CHRM3: variants seen among roughly 807,000 people sequenced by gnomAD.
CHRM3 encodes the protein muscarinic acetylcholine receptor M3.
Under a neutral mutation model 41.8 loss-of-function variants are expected in CHRM3, and 11 were observed. That is an observed-to-expected ratio of 0.26 (90% CI 0.17 to 0.44). The LOEUF (loss-of-function observed/expected upper bound fraction) is 0.44. Among genes scored for constraint, CHRM3 ranks in the 20% least tolerant of loss-of-function variants. The probability of loss-of-function intolerance (pLI) is 1.00; values close to 1 mark genes in which losing one functional copy is unlikely to be tolerated. For missense variants in CHRM3, 571 were observed against 745.4 expected (o/e 0.77, Z 2.72); for synonymous variants, 297 against 301.4 (o/e 0.99, Z 0.15).
intron 1 of CHRM3, among the ~76,000 whole-genome samples, chr1:239,481,010 A>G (rs1558254928): frequency 6.6e-6 from 1 of 152,242 alleles, no homozygotes. Context: ...TTACATGAAC[A>G]GAAGACAGAA....
intron 4 of CHRM3, among the ~76,000 whole-genome samples, chr1:239,668,378 CG>C (rs1674036225): frequency 6.6e-6 from 1 of 151,988 alleles, no homozygotes; most frequent in Non-Finnish European, 1.5e-5. Context: ...TGTGAGCCAC[CG>C]TGTCTGGCCC....
chr1:239,874,012 T>C (rs1027963540), intron 6 of CHRM3, among the ~76,000 whole-genome samples: 2 of 151,842 alleles, frequency 1.3e-5, no homozygotes, highest in South Asian at 4.2e-4. Flanking sequence ...AAATTTTACA[T>C]ACATCATCCT....
rs961528150 is a variant in CHRM3 at position 239,911,811 on chromosome 1, G to A, written c.*2587G>A. 1.8e-5 allele frequency: 3 copies of A among 166,950 alleles called. No individual in the cohort carries two copies. The highest frequency in any genetic ancestry group is 7.2e-5 in the African/African-American group (3 of 41,542). 10.3% of individuals were successfully genotyped at this position (166,950 alleles called of 1,614,324 possible). A position where few individuals can be genotyped will look rare whatever the true frequency, so the allele number is the denominator to read the frequency against. On this transcript the variant is annotated 3_prime_UTR_variant, in exon 7 of 7. Transcript: ENST00000676153. ...TACTATCTACTGATTTTATAGAAAG[G>A]TATGTCCATTTCTTGGGTCACTTTC...
chr1:239,776,706 C>G (rs1413597998), intron 5 of CHRM3, among the ~76,000 whole-genome samples: 1 of 152,146 alleles, frequency 6.6e-6, no homozygotes, highest in African/African-American at 2.4e-5. Flanking sequence ...AAAGACATAC[C>G]TGAGACTGGG....
At chr1:239,724,183 G>A (rs572429581) in intron 5 of CHRM3, among the ~76,000 whole-genome samples, 293 of 151,802 alleles carry the variant, frequency 1.9e-3, no homozygotes, top group African/African-American at 6.8e-3. Context: ...GGGCATGGAC[G>A]CATCCTGGCC....
intron 3 of CHRM3, among the ~76,000 whole-genome samples, chr1:239,623,632 A>G (rs1006379337): frequency 2.9e-5 from 2 of 69,544 alleles, no homozygotes; most frequent in African/African-American, 5.9e-5. Flanking sequence ...ATATCTCCCA[A>G]TGCTATCCCT....
At chr1:239,552,518 T>C (rs1448029809) in intron 3 of CHRM3, among the ~76,000 whole-genome samples, 4 of 147,310 alleles carry the variant, frequency 2.7e-5, no homozygotes, top group East Asian at 1.9e-4. Context: ...TATATATATA[T>C]ATATAAACGA....
intron 5 of CHRM3, among the ~76,000 whole-genome samples, chr1:239,786,046 T>C (rs1436292666): frequency 1.3e-5 from 2 of 152,108 alleles, no homozygotes; most frequent in Non-Finnish European, 2.9e-5. Context: ...TTATCTCAAG[T>C]TATTTGTTTG....
chr1:239,840,078 G>C (rs191912103), intron 6 of CHRM3, among the ~76,000 whole-genome samples: 70 of 152,214 alleles, frequency 4.6e-4, no homozygotes, highest in African/African-American at 1.7e-3. Context: ...ACATGGAACT[G>C]ACATCTCTGT....
intron 5 of CHRM3, among the ~76,000 whole-genome samples, chr1:239,687,107 A>G (rs922807382): frequency 6.6e-6 from 1 of 151,602 alleles, no homozygotes; most frequent in Middle Eastern, 3.2e-3. Flanking sequence ...TTATTATTTT[A>G]TTGATACTAT....
At chr1:239,853,182 AT>A (rs1339765270) in intron 6 of CHRM3, among the ~76,000 whole-genome samples, 1 of 151,860 alleles carries the variant, frequency 6.6e-6, no homozygotes, top group Admixed American at 6.6e-5. Context: ...ATCCTATGAG[AT>A]TTTATTTATA....
chr1:239,874,717 C>T (rs1050562768), intron 6 of CHRM3, among the ~76,000 whole-genome samples: 1 of 149,772 alleles, frequency 6.7e-6, no homozygotes, highest in African/African-American at 2.5e-5. Context: ...TTTTATTTTG[C>T]GATGGAGACT....
chr1:239,393,558 C>T (rs55633596), intron 1 of CHRM3, among the ~76,000 whole-genome samples: 2,484 of 152,294 alleles, frequency 0.016, 39 homozygotes, highest in African/African-American at 0.049. Flanking sequence ...TGGAGTCCTC[C>T]TTTCTTCTCT....
At chr1:239,824,317 G>C (rs999242603) in intron 5 of CHRM3, among the ~76,000 whole-genome samples, 8 of 152,178 alleles carry the variant, frequency 5.3e-5, no homozygotes, top group African/African-American at 1.9e-4. Context: ...ATTGCACAAG[G>C]TGGACTCGGT....
chr1:239,474,943 A>G (rs1469390545), intron 1 of CHRM3, among the ~76,000 whole-genome samples: 1 of 152,120 alleles, frequency 6.6e-6, no homozygotes, highest in African/African-American at 2.4e-5. Flanking sequence ...ATAAGTTTGC[A>G]ATACTTAGTA....
At chr1:239,830,605 A>G (rs113969735) in intron 6 of CHRM3, among the ~76,000 whole-genome samples, 3 of 152,116 alleles carry the variant, frequency 2.0e-5, no homozygotes, top group Non-Finnish European at 4.4e-5. Context: ...TTGGGAGGCT[A>G]AGGCAGGAGA....
At chr1:239,582,210 C>A in intron 3 of CHRM3, among the ~76,000 whole-genome samples, 1 of 152,110 alleles carries the variant, frequency 6.6e-6, no homozygotes, top group East Asian at 1.9e-4. Flanking sequence ...CACTTGCACT[C>A]ATGTTAACAC....
In CHRM3 at chr1:239,757,522, C is replaced by T. The variant is rs1345106537; in HGVS notation, c.-146-69730C>T. Among the ~76,000 whole-genome samples the T allele has an allele frequency of 5.3e-5, 8 of 151,380 alleles. 1 individual carries two copies. In the East Asian group the frequency reaches 5.9e-4, roughly 11 times the overall value. ...GCGAGCCCCTGTAGTCCCAGGTACT[C>T]GGGAGGCTGAGGCAGGAGAATGGCG... On this transcript the variant is annotated intron_variant, in intron 5 of 6. Transcript: ENST00000676153.
In CHRM3 at chr1:239,432,019, A is replaced by T. The variant is rs116248507; in HGVS notation, c.-521+44792A>T. ...ACACTCTTTGTTCCTCCTTCCACAC[A>T]CTCTTTCCATCTTCTCATCCCGGAA... On this transcript the variant is annotated intron_variant, in intron 1 of 6. Transcript: ENST00000676153. 8.5e-3 allele frequency among the ~76,000 whole-genome samples: 1,282 copies of T among 151,278 alleles called. 15 individuals carry two copies. Among genetic ancestry groups the T allele is most frequent in the African/African-American group, 0.03 (1,225 of 41,224 alleles).
Sources: gnomAD v4.1 joint callset for allele counts (sites outside exome capture counted in the v4.1 genomes callset) on GRCh38, gnomAD v4.1.1 for gene constraint, MANE v1.5 for transcripts, NCBI Gene and HGNC (gene_info 2026-07-23, HGNC 2026-07-21) for gene names.